The following RBFOX1 variants were observed in gnomAD, a reference collection of about 807,000 sequenced individuals.
The protein encoded by RBFOX1 is RNA binding fox-1 homolog 1, also known as RNA binding protein fox-1 homolog 1.
A neutral mutation model predicts 57.7 loss-of-function variants in RBFOX1; 8 were observed. The observed-to-expected ratio is 0.14, with a 90% CI of 0.08 to 0.25. RBFOX1 has a LOEUF of 0.25. Among genes scored for constraint, RBFOX1 ranks in the 10% least tolerant of loss-of-function variants. The pLI, the probability that RBFOX1 is intolerant of heterozygous loss-of-function variation, is 1.00. For missense variants in RBFOX1, 611 were observed against 548.5 expected, an observed-to-expected ratio of 1.11 and a Z score of -1.14; for synonymous variants, 326 against 222.4, an observed-to-expected ratio of 1.47 and a Z score of -4.15.
At chr16:7,290,400 G>T (rs1364676375) in intron 4 of RBFOX1, among the ~76,000 whole-genome samples, 1 of 152,146 alleles carries the variant, frequency 6.6e-6, no homozygotes, top group Non-Finnish European at 1.5e-5. Flanking sequence ...TTTTTAACCA[G>T]GTGACCTTAA....
chr16:6,457,299 G>A (rs773884982), intron 2 of RBFOX1, among the ~76,000 whole-genome samples: 13 of 152,070 alleles, frequency 8.5e-5, no homozygotes, highest in Non-Finnish European at 1.5e-4. Flanking sequence ...GTGATGGAGT[G>A]GCCATAGGGT....
At chr16:6,962,506 C>A (rs1049901125) in intron 3 of RBFOX1, among the ~76,000 whole-genome samples, 2 of 152,150 alleles carry the variant, frequency 1.3e-5, no homozygotes, top group Non-Finnish European at 2.9e-5. Flanking sequence ...CCCTGGCATC[C>A]TTTCTTCTTA....
At chr16:7,062,574 T>C (rs2054712753) in intron 4 of RBFOX1, among the ~76,000 whole-genome samples, 1 of 152,108 alleles carries the variant, frequency 6.6e-6, no homozygotes, top group Admixed American at 6.6e-5. Context: ...CTCTTTCACG[T>C]GTGCAGTCTT....
intron 2 of RBFOX1, chr16:5,467,335 G>A: frequency 7.4e-7 from 1 of 1,350,300 alleles, no homozygotes; most frequent in Non-Finnish European, 1.0e-6. Context: ...TTGCGTCACA[G>A]CCCTGCAACT....
intron 2 of RBFOX1, among the ~76,000 whole-genome samples, chr16:6,324,409 A>T (rs1033082558): frequency 1.3e-5 from 2 of 152,194 alleles, no homozygotes; most frequent in African/African-American, 4.8e-5. Flanking sequence ...CACAGGCTGT[A>T]CAGGAAGTAT....
At chr16:6,202,584 T>A (rs1390502840) in intron 1 of RBFOX1, among the ~76,000 whole-genome samples, 1 of 151,896 alleles carries the variant, frequency 6.6e-6, no homozygotes, top group African/African-American at 2.4e-5. Context: ...CTTTCTTTTA[T>A]GCTGAAAAAA....
intron 4 of RBFOX1, among the ~76,000 whole-genome samples, chr16:7,059,427 A>C (rs1353996863): frequency 6.6e-6 from 1 of 152,170 alleles, no homozygotes; most frequent in East Asian, 1.9e-4. Context: ...TATGCCAATC[A>C]CTGTGCTAGG....
chr16:6,940,307 G>A (rs1199335950), intron 3 of RBFOX1, among the ~76,000 whole-genome samples: 1 of 152,198 alleles, frequency 6.6e-6, no homozygotes, highest in Non-Finnish European at 1.5e-5. Flanking sequence ...GCTGTGAGTT[G>A]CTCTGACCAA....
intron 2 of RBFOX1, among the ~76,000 whole-genome samples, chr16:6,493,275 A>G (rs1027907448): frequency 6.6e-6 from 1 of 152,144 alleles, no homozygotes; most frequent in African/African-American, 2.4e-5. Context: ...TGGGGTCAGT[A>G]TGCTCTTTGG....
At chr16:5,276,555 C>T (rs1176020846) in intron 1 of RBFOX1, among the ~76,000 whole-genome samples, 2 of 152,136 alleles carry the variant, frequency 1.3e-5, no homozygotes, top group African/African-American at 2.4e-5. Context: ...GAGGCCGAGG[C>T]GGGTGTATCA....
intron 3 of RBFOX1, among the ~76,000 whole-genome samples, chr16:5,633,282 C>T (rs1306247756): frequency 6.6e-6 from 1 of 152,098 alleles, no homozygotes; most frequent in Non-Finnish European, 1.5e-5. Context: ...TTGAAGCTCC[C>T]ACTCTTCTCC....
intron 3 of RBFOX1, among the ~76,000 whole-genome samples, chr16:6,908,992 G>T (rs1567829250): frequency 6.6e-6 from 1 of 152,174 alleles, no homozygotes; most frequent in Non-Finnish European, 1.5e-5. Flanking sequence ...TTCTGCTTCT[G>T]AACATGCTTA....
At chr16:5,393,661 A>G (rs1316972611) in intron 1 of RBFOX1, among the ~76,000 whole-genome samples, 1 of 152,186 alleles carries the variant, frequency 6.6e-6, no homozygotes, top group Non-Finnish European at 1.5e-5. Flanking sequence ...TTTTCAAAAA[A>G]AGGAGGTGTT....
chr16:5,719,256 C>T (rs1054834621), intron 3 of RBFOX1, among the ~76,000 whole-genome samples: 1 of 146,354 alleles, frequency 6.8e-6, no homozygotes, highest in Non-Finnish European at 1.5e-5. Flanking sequence ...GGCTGGAGTG[C>T]AGTGGCACGA....
chr16:5,653,713 T>C (rs920491825), intron 3 of RBFOX1, among the ~76,000 whole-genome samples: 4 of 152,156 alleles, frequency 2.6e-5, no homozygotes, highest in Non-Finnish European at 4.4e-5. Flanking sequence ...TACTGTTCAT[T>C]TTCCAAAAGT....
chr16:6,322,466 G>C (rs960894709), intron 2 of RBFOX1, among the ~76,000 whole-genome samples: 6 of 151,872 alleles, frequency 4.0e-5, no homozygotes, highest in African/African-American at 1.4e-4. Flanking sequence ...TATTCTTTTA[G>C]TCTACACTTC....
intron 3 of RBFOX1, among the ~76,000 whole-genome samples, chr16:6,804,589 T>A (rs1008645152): frequency 6.6e-6 from 1 of 152,162 alleles, no homozygotes; most frequent in Non-Finnish European, 1.5e-5. Context: ...GGAAGATTGA[T>A]TGGATTAATA....
intron 3 of RBFOX1, among the ~76,000 whole-genome samples, chr16:5,741,816 AG>A (rs1352807350): frequency 6.6e-6 from 1 of 152,222 alleles, no homozygotes; most frequent in Non-Finnish European, 1.5e-5. Flanking sequence ...CATGTAGAAT[AG>A]GAAGGGGATA....
intron 3 of RBFOX1, among the ~76,000 whole-genome samples, chr16:6,952,074 G>T (rs762808607): frequency 6.6e-6 from 1 of 152,172 alleles, no homozygotes; most frequent in African/African-American, 2.4e-5. Flanking sequence ...TCAGATACAT[G>T]TACCTTTATC....
Sources: allele counts gnomAD v4.1 joint callset (sites outside exome capture counted in the v4.1 genomes callset), GRCh38; gene constraint gnomAD v4.1.1; transcripts MANE v1.5; gene names NCBI Gene and HGNC (gene_info 2026-07-23, HGNC 2026-07-21).